The following NF2 variants were observed in gnomAD, a reference collection of about 807,000 sequenced individuals.
The protein encoded by NF2 is merlin.
Under a neutral mutation model 83.7 loss-of-function variants are expected in NF2, and 8 were observed. The observed-to-expected ratio is 0.10, with a 90% confidence interval of 0.06 to 0.17. NF2 has a LOEUF of 0.17. Among genes scored for constraint, NF2 ranks in the 10% least tolerant of loss-of-function variants. NF2 has a pLI of 1.00. For synonymous variants in NF2, 266 were observed against 269.6 expected, an observed-to-expected ratio of 0.99 and a Z score of 0.13; for missense variants, 533 against 744.4, an observed-to-expected ratio of 0.72 and a Z score of 3.31.
At chr22:29,648,621 C>G (rs1214219067) in intron 4 of NF2, among the ~76,000 whole-genome samples, 6 of 152,166 alleles carry the variant, frequency 3.9e-5, no homozygotes. Context: ...ACAGATAGAC[C>G]CACTTCATTT....
chr22:29,642,085 A>G, intron 3 of NF2, 117 bp from the exon 4 acceptor site: 1 of 823,892 alleles, frequency 1.2e-6, no homozygotes, highest in Non-Finnish European at 2.1e-6. Flanking sequence ...TCAGAAAATT[A>G]TTAACAGGCT....
chr22:29,638,841 TAATCC>T (rs1339611326), intron 2 of NF2, among the ~76,000 whole-genome samples: 3 of 152,244 alleles, frequency 2.0e-5, no homozygotes, highest in African/African-American at 7.2e-5. Flanking sequence ...ATTTATGCCT[TAATCC>T]TAGCTCTGCT....
intron 4 of NF2, among the ~76,000 whole-genome samples, chr22:29,645,923 T>TTAAGGATCTTACAATTATTTG (rs1439107383): frequency 1.3e-5 from 2 of 152,202 alleles, no homozygotes; most frequent in Non-Finnish European, 2.9e-5. Flanking sequence ...GGTGTAAATT[T>TTAAGGATCTTACAATTATTTG]TAAGGATCTT....
chr22:29,638,113 C>T (rs774212435), intron 2 of NF2, among the ~76,000 whole-genome samples: 4 of 152,142 alleles, frequency 2.6e-5, no homozygotes, highest in East Asian at 1.9e-4. Flanking sequence ...TGTCACATGG[C>T]GTGTTTATGT....
At chr22:29,681,067 TA>T (rs1257912029) in intron 14 of NF2, among the ~76,000 whole-genome samples, 15 of 146,102 alleles carry the variant, frequency 1.0e-4, no homozygotes, top group African/African-American at 1.5e-4. Flanking sequence ...TTTTTTTTTT[TA>T]AAAATAGAGA....
intron 5 of NF2, among the ~76,000 whole-genome samples, chr22:29,655,379 C>G (rs1178683769): frequency 6.6e-6 from 1 of 152,144 alleles, no homozygotes. Context: ...GAGGGTTGCA[C>G]CTAGGTCTGA....
chr22:29,685,295 A>C (rs1052673612), intron 15 of NF2, among the ~76,000 whole-genome samples: 2 of 151,460 alleles, frequency 1.3e-5, no homozygotes, highest in Non-Finnish European at 2.9e-5. Flanking sequence ...TTTTATAGAG[A>C]TGGGGTTTCG....
intron 1 of NF2, among the ~76,000 whole-genome samples, chr22:29,631,892 T>C (rs2146825575): frequency 6.6e-6 from 1 of 152,334 alleles, no homozygotes; most frequent in African/African-American, 2.4e-5. Context: ...AGTGCAGAGA[T>C]TCATACCAAT....
chr22:29,607,369 T>C (rs564798050), intron 1 of NF2, among the ~76,000 whole-genome samples: 10 of 151,918 alleles, frequency 6.6e-5, no homozygotes, highest in South Asian at 2.1e-4. Context: ...AAGGAGAGAA[T>C]AGAAGAGAAC....
At chr22:29,644,253 C>A (rs1400728776) in intron 4 of NF2, among the ~76,000 whole-genome samples, 4 of 151,132 alleles carry the variant, frequency 2.6e-5, no homozygotes, top group Non-Finnish European at 5.9e-5. Flanking sequence ...GGGTGGCGGC[C>A]GGGCAGAGGC....
intron 4 of NF2, among the ~76,000 whole-genome samples, chr22:29,648,885 T>G (rs1252706472): frequency 4.6e-5 from 7 of 152,180 alleles, no homozygotes; most frequent in African/African-American, 1.7e-4. Flanking sequence ...TCACTGCACC[T>G]GACCCCAGCT....
chr22:29,689,421 A>G (rs1265083378), intron 15 of NF2, among the ~76,000 whole-genome samples: 1 of 151,820 alleles, frequency 6.6e-6, no homozygotes, highest in Non-Finnish European at 1.5e-5. Flanking sequence ...TTTTGTGTCT[A>G]CACCCTCCCC....
intron 4 of NF2, among the ~76,000 whole-genome samples, chr22:29,653,503 C>T (rs1252480569): frequency 6.7e-6 from 1 of 148,918 alleles, no homozygotes; most frequent in East Asian, 2.0e-4. Flanking sequence ...AAAAACAATG[C>T]AATACAATTC....
At chr22:29,635,146 A>G (rs2146842156) in intron 1 of NF2, among the ~76,000 whole-genome samples, 1 of 152,214 alleles carries the variant, frequency 6.6e-6, no homozygotes, top group Non-Finnish European at 1.5e-5. Context: ...AAACACAGAG[A>G]AGGGATGGGC....
At position 29,604,006 on chromosome 22, in the gene NF2, G is replaced by T; in HGVS notation, c.8G>T (p.Gly3Val). MA[G>V]AIASRMSFSS... ...GGGCCTGAGCCCCGCGCCATGGCCG[G>T]GGCCATCGCTTCCCGCATGAGCTTC... The change falls in exon 1 of 16, where the codon GGG (glycine) becomes GTG (valine). Residue 3 changes from glycine (G) to valine (V), a missense_variant. Transcript: ENST00000338641. 1 of 1,584,828 alleles carries T rather than the reference G, an allele frequency of 6.3e-7. No homozygotes were observed. Among genetic ancestry groups the T allele is most frequent in the Non-Finnish European group, 8.6e-7 (1 of 1,165,802 alleles).
At chr22:29,678,405 G>A in intron 14 of NF2, 82 bp downstream of exon 14, 1 of 1,545,776 alleles carries the variant, frequency 6.5e-7, no homozygotes, top group Non-Finnish European at 8.9e-7. Context: ...GGGCAGAGGT[G>A]AGAGGTCGCT....
intron 7 of NF2, among the ~76,000 whole-genome samples, chr22:29,659,346 A>G (rs1020770204): frequency 3.3e-5 from 5 of 152,168 alleles, no homozygotes; most frequent in African/African-American, 9.7e-5. Context: ...TTTGGTTTTT[A>G]AAAATCTTTT....
chr22:29,638,940 T>G, intron 2 of NF2, 150 bp from the exon 3 acceptor site: 1 of 1,132,030 alleles, frequency 8.8e-7, no homozygotes, highest in Non-Finnish European at 1.3e-6. Flanking sequence ...ACTTTGTGAA[T>G]ACTTCAAACT....
At chr22:29,619,674 C>T (rs1045460846) in intron 1 of NF2, among the ~76,000 whole-genome samples, 3 of 151,990 alleles carry the variant, frequency 2.0e-5, no homozygotes, top group Non-Finnish European at 4.4e-5. Flanking sequence ...GGATTACAGG[C>T]ATGAGCCACC....
Sources: allele counts gnomAD v4.1 joint callset (sites outside exome capture counted in the v4.1 genomes callset), GRCh38; gene constraint gnomAD v4.1.1; transcripts MANE v1.5; gene names NCBI Gene and HGNC (gene_info 2026-07-23, HGNC 2026-07-21).